LHFPL2: variants seen among roughly 807,000 people sequenced by gnomAD.
LHFPL2 encodes LHFPL tetraspan subfamily member 2.
In LHFPL2, 7 loss-of-function variants were observed where a neutral mutation model predicts 17.5. That is an observed-to-expected ratio of 0.40 (90% CI 0.23 to 0.75). LHFPL2 has a LOEUF of 0.75. Among genes scored for constraint, LHFPL2 ranks in the 30% least tolerant of loss-of-function variants. The probability of loss-of-function intolerance (pLI) is 0.37; values close to 1 mark genes in which losing one functional copy is unlikely to be tolerated. For missense variants in LHFPL2, 241 were observed against 294.8 expected, an observed-to-expected ratio of 0.82 and a Z score of 1.34; for synonymous variants, 134 against 116.2, an observed-to-expected ratio of 1.15 and a Z score of -0.99.
intron 4 of LHFPL2, among the ~76,000 whole-genome samples, chr5:78,502,555 T>C (rs913422948): frequency 6.6e-6 from 1 of 152,166 alleles, no homozygotes; most frequent in Non-Finnish European, 1.5e-5. Context: ...TGAAATACGT[T>C]CTCCATAAGT....
chr5:78,534,350 C>G (rs1293171865), intron 3 of LHFPL2, among the ~76,000 whole-genome samples: 2 of 152,218 alleles, frequency 1.3e-5, no homozygotes, highest in East Asian at 3.9e-4. Flanking sequence ...GTCCAGGGAG[C>G]TGCTCTGCCT....
At chr5:78,559,538 A>G (rs1367784751) in intron 3 of LHFPL2, among the ~76,000 whole-genome samples, 1 of 152,204 alleles carries the variant, frequency 6.6e-6, no homozygotes, top group Non-Finnish European at 1.5e-5. Context: ...GTCAACATGC[A>G]AGTAACAAAA....
At chr5:78,496,892 C>G (rs1317098445) in intron 4 of LHFPL2, among the ~76,000 whole-genome samples, 2 of 152,188 alleles carry the variant, frequency 1.3e-5, no homozygotes, top group African/African-American at 4.8e-5. Flanking sequence ...TCTTCCCTAT[C>G]TATATTCCCC....
chr5:78,624,975 G>A (rs937305536), intron 2 of LHFPL2: 1 of 152,074 alleles, frequency 6.6e-6, no homozygotes, highest in Non-Finnish European at 1.5e-5. Context: ...GCTAATTATT[G>A]TATTTTTAGT....
At chr5:78,570,423 G>C (rs1251915733) in intron 2 of LHFPL2, among the ~76,000 whole-genome samples, 2 of 151,992 alleles carry the variant, frequency 1.3e-5, no homozygotes, top group Non-Finnish European at 2.9e-5. Flanking sequence ...AAGGCAGGGG[G>C]GATCCTCCAG....
chr5:78,551,231 A>C (rs1011995436), intron 3 of LHFPL2, among the ~76,000 whole-genome samples: 1 of 152,238 alleles, frequency 6.6e-6, no homozygotes, highest in African/African-American at 2.4e-5. Context: ...TAAAAGAGGA[A>C]GTAGAAATTT....
chr5:78,645,546 A>ACATACACC (rs914962851), intron 1 of LHFPL2, among the ~76,000 whole-genome samples: 10 of 10,576 alleles, frequency 9.5e-4, no homozygotes, highest in Non-Finnish European at 1.4e-3. Flanking sequence ...AGATGCATAC[A>ACATACACC]CACACACACA....
At chr5:78,575,886 T>C (rs1757119003) in intron 2 of LHFPL2, among the ~76,000 whole-genome samples, 1 of 152,204 alleles carries the variant, frequency 6.6e-6, no homozygotes, top group Non-Finnish European at 1.5e-5. Context: ...AATCTTCTAA[T>C]TTAAATTTGT....
At chr5:78,586,238 G>A (rs558596858) in intron 2 of LHFPL2, among the ~76,000 whole-genome samples, 2 of 152,240 alleles carry the variant, frequency 1.3e-5, no homozygotes, top group Admixed American at 6.5e-5. Flanking sequence ...TCCGAAACAT[G>A]GGAGTCAACA....
At chr5:78,546,237 T>C (rs1353162587) in intron 3 of LHFPL2, among the ~76,000 whole-genome samples, 1 of 152,238 alleles carries the variant, frequency 6.6e-6, no homozygotes, top group Admixed American at 6.5e-5. Context: ...ACATGCAACA[T>C]TAAATTTCAA....
Position 78,486,449 on chromosome 5 carries a change from T to A in LHFPL2, c.*2448A>T, listed in dbSNP as rs929038490. 1.2e-4 allele frequency: 18 copies of A among 152,240 alleles called. No homozygotes were observed. The highest frequency in any genetic ancestry group is 8.5e-4 in the Admixed American group (13 of 15,278). The allele number at this position is 152,240 out of a possible 1,614,324, so 9.4% of individuals were successfully genotyped here. ...TTAACATTTCTTTCTAGCATATTCC[T>A]CATACCCAGTGGTTTTTAAACAGCT... On this transcript the variant is annotated 3_prime_UTR_variant, in exon 5 of 5. Transcript: ENST00000380345.
At chr5:78,616,086 G>C (rs1034031458) in intron 2 of LHFPL2, among the ~76,000 whole-genome samples, 2 of 151,326 alleles carry the variant, frequency 1.3e-5, no homozygotes, top group Non-Finnish European at 2.9e-5. Flanking sequence ...CCATTCCCTT[G>C]GCAATCCAAC....
chr5:78,497,590 T>A (rs1405056437), intron 4 of LHFPL2, among the ~76,000 whole-genome samples: 5 of 152,246 alleles, frequency 3.3e-5, no homozygotes, highest in African/African-American at 1.2e-4. Context: ...TTCACTGATT[T>A]GAATGGATGA....
At chr5:78,567,813 G>A (rs1303246301) in intron 2 of LHFPL2, among the ~76,000 whole-genome samples, 4 of 152,072 alleles carry the variant, frequency 2.6e-5, no homozygotes, top group Admixed American at 6.5e-5. Context: ...AATTTTGGCC[G>A]CATTTTAACT....
chr5:78,627,282 C>G (rs548525879), intron 2 of LHFPL2, among the ~76,000 whole-genome samples: 2 of 152,000 alleles, frequency 1.3e-5, no homozygotes, highest in Non-Finnish European at 2.9e-5. Context: ...CACAGGCCCT[C>G]GAAGTTAACC....
Position 78,485,574 on chromosome 5 carries a change from G to A in LHFPL2, c.*3323C>T, listed in dbSNP as rs1290869297. The A allele has an allele frequency of 6.6e-6, 1 of 152,568 alleles. No individual in the cohort carries two copies. The highest frequency in any genetic ancestry group is 2.4e-5 in the African/African-American group (1 of 41,404). The allele number at this position is 152,568 out of a possible 1,614,324, so 9.5% of individuals were successfully genotyped here. ...AACCCCAATACAAATGCCGGCCCAG[G>A]GATTTCCAGTGGCCACAAGTTATTG... On this transcript the variant is annotated 3_prime_UTR_variant, in exon 5 of 5. Coordinates refer to ENST00000380345, the MANE Select transcript of LHFPL2 (RefSeq NM_005779.3).
intron 2 of LHFPL2, among the ~76,000 whole-genome samples, chr5:78,576,489 C>T (rs1757140675): frequency 6.6e-6 from 1 of 152,160 alleles, no homozygotes; most frequent in African/African-American, 2.4e-5. Flanking sequence ...GTCCTCCCCA[C>T]AGGTGCTCAT....
rs187241527 is a variant in LHFPL2 at position 78,554,146 on chromosome 5, C to T, written c.-186+10667G>A. Among the ~76,000 whole-genome samples the T allele has an allele frequency of 6.0e-4, 91 of 152,376 alleles. No homozygotes were observed. In the Middle Eastern group the frequency reaches 0.01, roughly 17 times the overall value. ...CACTGAAGTGTCTCGCTTAGACAGA[C>T]TTGTCTATCAGTGTTGAAAACTTAC... On this transcript the variant is annotated intron_variant, in intron 3 of 4. Coordinates refer to ENST00000380345, the MANE Select transcript of LHFPL2 (RefSeq NM_005779.3).
intron 2 of LHFPL2, among the ~76,000 whole-genome samples, chr5:78,598,553 G>A (rs1304973650): frequency 6.6e-6 from 1 of 152,186 alleles, no homozygotes; most frequent in Non-Finnish European, 1.5e-5. Flanking sequence ...TAGGTGGTTT[G>A]TATGTAACTC....
Sources: allele counts gnomAD v4.1 joint callset (sites outside exome capture counted in the v4.1 genomes callset), GRCh38; gene constraint gnomAD v4.1.1; transcripts MANE v1.5; gene names NCBI Gene and HGNC (gene_info 2026-07-23, HGNC 2026-07-21).